IQCK: variants seen among roughly 807,000 people sequenced by gnomAD.
IQCK encodes the protein IQ domain-containing protein K.
IQCK carries 29 observed loss-of-function variants against 28.1 expected under a neutral mutation model. The observed-to-expected ratio is 1.03, with a 90% CI of 0.77 to 1.41. The LOEUF is 1.41. Ranked by LOEUF, IQCK falls within the 40% of genes most tolerant of loss-of-function variation. IQCK has a pLI of 0.00. For synonymous variants in IQCK, 113 were observed against 115.1 expected (o/e 0.98, Z 0.12); for missense variants, 359 against 314.7 (o/e 1.14, Z -1.07).
chr16:19,736,140 C>T (rs1978007370), intron 4 of IQCK: 1 of 456,020 alleles, frequency 2.2e-6, no homozygotes, highest in South Asian at 1.5e-5. Context: ...CATCTCTCTA[C>T]TCCATGCCAA....
At chr16:19,783,246 A>T (rs560261118) in intron 6 of IQCK, among the ~76,000 whole-genome samples, 14 of 151,896 alleles carry the variant, frequency 9.2e-5, no homozygotes, top group African/African-American at 3.4e-4. Context: ...TGATCCACCC[A>T]CCTCGGCCTA....
At position 19,825,903 on chromosome 16, in the gene IQCK, C is replaced by T. The variant is rs1203421333; in HGVS notation, c.691-1123C>T. ...AGAACTGTGCTGTTCTATATAGTAG[C>T]CACCAGCTACATGTGTCTGTTGAGC... On this transcript the variant is annotated intron_variant, in intron 7 of 7. Transcript: ENST00000564186. This position sits in a 1 kb window ranked among gnomAD's most constrained non-coding sequence, Gnocchi z 4.2. Among the ~76,000 whole-genome samples, 1 of 152,206 alleles carries T rather than the reference C, an allele frequency of 6.6e-6. No individual in the cohort carries two copies. The highest frequency in any genetic ancestry group is 2.4e-5 in the African/African-American group (1 of 41,448).
At chr16:19,755,434 A>G (rs968036065) in intron 4 of IQCK, among the ~76,000 whole-genome samples, 2 of 152,238 alleles carry the variant, frequency 1.3e-5, no homozygotes, top group African/African-American at 4.8e-5. Context: ...GGGATGTCAC[A>G]CTGCAGAGAG....
intron 6 of IQCK, among the ~76,000 whole-genome samples, chr16:19,783,752 G>A (rs1007468211): frequency 2.6e-5 from 4 of 152,136 alleles, no homozygotes; most frequent in Admixed American, 6.5e-5. Context: ...ACTAGACAGC[G>A]CCCCATTATC....
At chr16:19,738,084 C>G (rs1329260516) in intron 4 of IQCK, among the ~76,000 whole-genome samples, 1 of 152,170 alleles carries the variant, frequency 6.6e-6, no homozygotes, top group East Asian at 1.9e-4. Context: ...GCATGTCTGT[C>G]TCCCCCTGTA....
chr16:19,777,816 C>A (rs1314179276), intron 6 of IQCK, among the ~76,000 whole-genome samples: 1 of 152,130 alleles, frequency 6.6e-6, no homozygotes, highest in Non-Finnish European at 1.5e-5. Flanking sequence ...TTTGGGAAGC[C>A]AAGACTGGCA....
downstream of IQCK, among the ~76,000 whole-genome samples, chr16:19,829,169 A>T (rs1359885821): frequency 2.6e-5 from 4 of 151,668 alleles, no homozygotes; most frequent in South Asian, 4.2e-4. Context: ...TACAAAAAAT[A>T]GTCATACATC....
chr16:19,815,840 T>G (rs953713923), intron 7 of IQCK, among the ~76,000 whole-genome samples: 7 of 152,232 alleles, frequency 4.6e-5, no homozygotes, highest in Non-Finnish European at 1.0e-4. Flanking sequence ...AATATTTTAT[T>G]AATATAAGAT....
chr16:19,781,255 T>C (rs878988392), intron 6 of IQCK, among the ~76,000 whole-genome samples: 1 of 152,214 alleles, frequency 6.6e-6, no homozygotes, highest in Non-Finnish European at 1.5e-5. Flanking sequence ...ACAGCCTTGT[T>C]TTTTTAAAAA....
intron 6 of IQCK, among the ~76,000 whole-genome samples, chr16:19,774,398 C>CT (rs1167894201): frequency 0.014 from 1,481 of 104,014 alleles, 132 homozygotes; most frequent in African/African-American, 0.025. Context: ...TTAGCTAATA[C>CT]TTTTTTTTTT....
intron 2 of IQCK, among the ~76,000 whole-genome samples, chr16:19,732,214 A>T (rs537930940): frequency 6.6e-6 from 1 of 152,352 alleles, no homozygotes; most frequent in South Asian, 2.1e-4. Flanking sequence ...ATATCCAGAC[A>T]TAATGCTCTG....
At chr16:19,829,736 G>A (rs1193619505), downstream of IQCK, among the ~76,000 whole-genome samples, 1 of 152,118 alleles carries the variant, frequency 6.6e-6, no homozygotes, top group Non-Finnish European at 1.5e-5. Flanking sequence ...TCGGCTCTGG[G>A]CAACAAGTCC....
At chr16:19,724,838 C>G (rs1017152520) in intron 1 of IQCK, among the ~76,000 whole-genome samples, 2 of 152,092 alleles carry the variant, frequency 1.3e-5, no homozygotes, top group African/African-American at 4.8e-5. Context: ...GGCCACCAGT[C>G]AATGCTACAT....
At chr16:19,813,357 A>G (rs538557443) in intron 7 of IQCK, among the ~76,000 whole-genome samples, 8 of 152,242 alleles carry the variant, frequency 5.3e-5, no homozygotes, top group African/African-American at 1.9e-4. Context: ...TAGATAAATA[A>G]GGACAAAACA....
intron 4 of IQCK, among the ~76,000 whole-genome samples, chr16:19,742,780 G>C: frequency 6.6e-6 from 1 of 152,134 alleles, no homozygotes; most frequent in East Asian, 1.9e-4. Context: ...TTATTTTTCT[G>C]TTTTTTCTTT....
At chr16:19,818,177 C>G (rs2056014860) in intron 7 of IQCK, among the ~76,000 whole-genome samples, 1 of 152,102 alleles carries the variant, frequency 6.6e-6, no homozygotes, top group Non-Finnish European at 1.5e-5. Flanking sequence ...ATAACTCATC[C>G]TACCCAGAAC....
intron 1 of IQCK, among the ~76,000 whole-genome samples, chr16:19,724,163 C>T (rs1442677804): frequency 6.6e-6 from 1 of 152,118 alleles, no homozygotes; most frequent in African/African-American, 2.4e-5. Flanking sequence ...TTGTCTCTTC[C>T]TGGAACATCC....
intron 4 of IQCK, chr16:19,736,199 G>A (rs1345458425): frequency 2.2e-6 from 1 of 455,186 alleles, no homozygotes; most frequent in Non-Finnish European, 4.4e-6. Flanking sequence ...CACAGTAAGT[G>A]CTCAGTAAAT....
chr16:19,744,890 A>G (rs1195878039), intron 4 of IQCK, among the ~76,000 whole-genome samples: 3 of 152,218 alleles, frequency 2.0e-5, no homozygotes, highest in Non-Finnish European at 2.9e-5. Context: ...GTGGCCAACA[A>G]TAGATACTGT....
Sources: allele counts gnomAD v4.1 joint callset (sites outside exome capture counted in the v4.1 genomes callset), GRCh38; gene constraint gnomAD v4.1.1; non-coding constraint Gnocchi (gnomAD v3.1); transcripts MANE v1.5; gene names NCBI Gene and HGNC (gene_info 2026-07-23, HGNC 2026-07-21).